MLXIPL: variants seen among roughly 807,000 people sequenced by gnomAD.
The protein encoded by MLXIPL is MLX interacting protein like, also known as carbohydrate-responsive element-binding protein.
Under a neutral mutation model 81.5 loss-of-function variants are expected in MLXIPL, and 49 were observed. The ratio of observed to expected loss-of-function variants is 0.60; its 90% CI spans 0.48 to 0.76. The LOEUF is 0.76. MLXIPL is among the 30% of genes least tolerant of loss of function. The probability of loss-of-function intolerance (pLI) is 0.00; values close to 1 mark genes in which losing one functional copy is unlikely to be tolerated. For synonymous variants in MLXIPL, 466 were observed against 485.5 expected (o/e 0.96, Z 0.53); for missense variants, 1,053 against 1,167.0 (o/e 0.90, Z 1.42).
intron 3 of MLXIPL, 21 bp from the exon 4 acceptor site, chr7:73,607,441 G>A: frequency 1.3e-6 from 2 of 1,547,328 alleles, no homozygotes; most frequent in Non-Finnish European, 1.7e-6. Flanking sequence ...GGCCGGGGGA[G>A]GGGGATCAGT....
chr7:73,641,131 A>C, the MLXIPL span, among the ~76,000 whole-genome samples: 24,327 of 152,060 alleles, frequency 0.16, 2,274 homozygotes, highest in African/African-American at 0.26. Context: ...GCAAAATCCT[A>C]TCTCTACCAA....
At chr7:73,637,934 C>G in the MLXIPL span, among the ~76,000 whole-genome samples, 25 of 152,176 alleles carry the variant, frequency 1.6e-4, no homozygotes, top group African/African-American at 6.0e-4. Flanking sequence ...CCTCTGGGCT[C>G]TCTGTTGGGG....
upstream of MLXIPL, among the ~76,000 whole-genome samples, chr7:73,625,627 G>A (rs966309621): frequency 7.2e-5 from 11 of 152,098 alleles, no homozygotes; most frequent in Non-Finnish European, 8.8e-5. Flanking sequence ...GTGACGATGC[G>A]TGCTTGGCTT....
At chr7:73,607,758 C>T (rs1023892879) in intron 2 of MLXIPL, 86 bp from the exon 3 acceptor site, 5 of 1,182,516 alleles carry the variant, frequency 4.2e-6, no homozygotes, top group African/African-American at 1.5e-5. Context: ...TGACACCCTG[C>T]GAAATCCTGC....
At chr7:73,624,541 A>T (rs1796605365), upstream of MLXIPL, 1 of 1,489,776 alleles carries the variant, frequency 6.7e-7, no homozygotes, top group South Asian at 1.3e-5. Context: ...CAGCGCGGGG[A>T]ACAGCTCTTG....
At chr7:73,619,794 G>T (rs1453239087) in intron 1 of MLXIPL, among the ~76,000 whole-genome samples, 5 of 151,834 alleles carry the variant, frequency 3.3e-5, no homozygotes, top group Non-Finnish European at 7.4e-5. Flanking sequence ...GCTGGGCGTG[G>T]TGGCAGGTGC....
At chr7:73,641,750 C>T in the MLXIPL span, among the ~76,000 whole-genome samples, 1 of 152,184 alleles carries the variant, frequency 6.6e-6, no homozygotes, top group Non-Finnish European at 1.5e-5. Context: ...ATTCTCCTGC[C>T]TCAGCCTCCC....
At chr7:73,634,930 C>T in the MLXIPL span, among the ~76,000 whole-genome samples, 26 of 151,178 alleles carry the variant, frequency 1.7e-4, no homozygotes, top group Non-Finnish European at 2.7e-4. Context: ...ATTCTCCTGC[C>T]TCAGCCTCCC....
At position 73,596,739 on chromosome 7, in the gene MLXIPL, G is replaced by T; in HGVS notation, c.1722C>A (p.Ala574=). The change falls in exon 11 of 17, where the codon GCC becomes GCA. Residue 574 remains alanine, a synonymous_variant. Transcript: ENST00000313375. The surrounding 1 kb of genome is among the most constrained non-coding windows in gnomAD (Gnocchi z 4.7). ...CTGGAGGTGGCCGGGGCGGTGTAGG[G>T]GCCGGGGTCGGGGGAAGGAATGTGC... The part of the protein sequence containing the change: ...FPCTFLPPTP[A]PTPPRPPPGP... 6.3e-7 allele frequency: 1 copy of T among 1,595,724 alleles called. No individual in the cohort carries two copies.
intron 4 of MLXIPL, 85 bp from the exon 5 acceptor site, chr7:73,607,103 G>T (rs782214100): frequency 6.5e-7 from 1 of 1,527,098 alleles, no homozygotes; most frequent in Non-Finnish European, 8.9e-7. Context: ...ACTCACAAGC[G>T]ATGAGATCCC....
rs1584078524 is a variant in MLXIPL at position 73,597,470 on chromosome 7, T to C, written c.1315A>G (p.Thr439Ala). The change falls in exon 9 of 17, where the codon ACC (threonine) becomes GCC (alanine). Residue 439 changes from threonine (T) to alanine (A), a missense_variant. Physicochemically the swap from Thr to Ala is moderately conservative, Grantham distance 58 (BLOSUM62 0). Coordinates refer to ENST00000313375, the MANE Select transcript of MLXIPL (RefSeq NM_032951.3). ...PLFSPRFPFP[T>A]VPPAPGVSPL... The stretch of plus-strand genomic sequence containing the variant: ...GACACTCCTGGGGCAGGAGGGACGG[T>C]GGGGAAGGGAAACCTGGGAGAGAAG... 1 of 1,372,374 alleles carries C rather than the reference T, an allele frequency of 7.3e-7. No homozygotes were observed. The allele number at this position is 1,372,374 out of a possible 1,614,324, so 85.0% of individuals were successfully genotyped here. A position where few individuals can be genotyped will look rare whatever the true frequency, so the allele number is the denominator to read the frequency against.
chr7:73,597,132 C>A (rs1554594444), intron 9 of MLXIPL, 50 bp downstream of exon 9: 1 of 1,530,910 alleles, frequency 6.5e-7, no homozygotes, highest in Non-Finnish European at 8.8e-7. Flanking sequence ...GTCCTCCCCA[C>A]CCCCTGGCCT....
chr7:73,610,825 C>T (rs7789238), intron 2 of MLXIPL: 6,777 of 151,500 alleles, frequency 0.045, 575 homozygotes, highest in African/African-American at 0.16. Flanking sequence ...CCCACCTTTT[C>T]TTTTCCTTTT....
In MLXIPL at chr7:73,624,400, G is replaced by A. The variant is rs1554603113; in HGVS notation, c.93C>T (p.Asp31=). ...CGCCCGCGCTGCGCCGGAGACTCGG[G>A]TCCTCCGAGTCTGTGTCCGAGTCCG... ...PDSDSDTDSE[D]PSLRRSAGGL... is the part of the protein sequence containing the mutation. Residue 31 remains aspartate, a synonymous_variant, in exon 1 of 17, where the codon GAC becomes GAT. Transcript: ENST00000313375. The A allele has an allele frequency of 7.0e-6, 11 of 1,565,948 alleles. No individual in the cohort carries two copies. Among genetic ancestry groups the A allele is most frequent in the East Asian group, 2.4e-5 (1 of 42,546 alleles).
chr7:73,619,179 G>C (rs782062825), intron 1 of MLXIPL, among the ~76,000 whole-genome samples: 1 of 152,060 alleles, frequency 6.6e-6, no homozygotes, highest in Non-Finnish European at 1.5e-5. Context: ...AGTTAGCTGG[G>C]GCCAGGCACA....
At chr7:73,612,457 A>G (rs994123067) in intron 2 of MLXIPL, among the ~76,000 whole-genome samples, 2 of 152,094 alleles carry the variant, frequency 1.3e-5, no homozygotes, top group African/African-American at 4.8e-5. Context: ...CCTGACCAAC[A>G]TGGAGAAACC....
At chr7:73,639,674 T>C in the MLXIPL span, among the ~76,000 whole-genome samples, 4 of 152,168 alleles carry the variant, frequency 2.6e-5, no homozygotes, top group Non-Finnish European at 5.9e-5. Flanking sequence ...AATTAATACC[T>C]GCAAAGTGCT....
chr7:73,599,708 C>T lies in MLXIPL; in HGVS notation c.902-13G>A. On this transcript the variant is annotated splice_polypyrimidine_tract_variant and intron_variant, in intron 7 of 16. Transcript: ENST00000313375. ...TTGGTAAAGAAATCTGTAATTCAGA[C>T]ACACAGGGCAACAGCAGTTAGGGCC... The T allele has an allele frequency of 1.9e-6, 3 of 1,600,286 alleles. No homozygotes were observed. Among genetic ancestry groups the T allele is most frequent in the South Asian group, 1.1e-5 (1 of 88,428 alleles).
chr7:73,596,623 C>A lies in MLXIPL; in HGVS notation c.1822+16G>T, dbSNP rs1433665690. The A allele has an allele frequency of 1.6e-5, 26 of 1,602,576 alleles. No individual in the cohort carries two copies. The highest frequency in any genetic ancestry group is 2.1e-5 in the Non-Finnish European group (25 of 1,174,780). ...ATCCCCTAGATTCCCCCAATCCCTGCAACCCCTCTCTTTACCGCTGGGCGC... is the reference window on the plus strand; with the variant it reads ...ATCCCCTAGATTCCCCCAATCCCTGAAACCCCTCTCTTTACCGCTGGGCGC... On this transcript the variant is annotated intron_variant, in intron 11 of 16. Coordinates refer to ENST00000313375, the MANE Select transcript of MLXIPL (RefSeq NM_032951.3). The surrounding 1 kb of genome is among the most constrained non-coding windows in gnomAD (Gnocchi z 4.7).
Sources: allele counts gnomAD v4.1 joint callset (sites outside exome capture counted in the v4.1 genomes callset), GRCh38; gene constraint gnomAD v4.1.1; non-coding constraint Gnocchi (gnomAD v3.1); transcripts MANE v1.5; gene names NCBI Gene and HGNC (gene_info 2026-07-23, HGNC 2026-07-21).